CEP72: variants seen among roughly 807,000 people sequenced by gnomAD.
CEP72 encodes the protein centrosomal protein 72, also known as centrosomal protein of 72 kDa.
A neutral mutation model predicts 65.7 loss-of-function variants in CEP72; 78 were observed. That is an observed-to-expected ratio of 1.19 (90% CI 0.99 to 1.43). CEP72 has a LOEUF of 1.43. Ranked by LOEUF, CEP72 falls within the 40% of genes most tolerant of loss-of-function variation. The pLI is 0.00. For missense variants in CEP72, 914 were observed against 832.9 expected (o/e 1.10, Z -1.20); for synonymous variants, 358 against 351.7 (o/e 1.02, Z -0.20).
At chr5:635,263 C>T in intron 5 of CEP72, 109 bp from the exon 6 acceptor site, 5 of 803,168 alleles carry the variant, frequency 6.2e-6, no homozygotes, top group South Asian at 1.9e-5. Flanking sequence ...TGATTAACCC[C>T]TCGGTCTAAC....
rs553592897 is a variant in CEP72 at position 652,869 on chromosome 5, G to T, written c.1779-119G>T. 671 of 1,114,806 alleles carry T rather than the reference G, an allele frequency of 6.0e-4. 2 individuals are homozygous for T. Among genetic ancestry groups the T allele is most frequent in the Non-Finnish European group, 7.9e-4 (639 of 805,044 alleles). The allele number at this position is 1,114,806 out of a possible 1,614,324, so 69.1% of individuals were successfully genotyped here. A position where few individuals can be genotyped will look rare whatever the true frequency, so the allele number is the denominator to read the frequency against. ...GTGATGGGGCCACAGAGATAGGTCT[G>T]TGTGCAGGGCCAGGGCACCTTCGTG... On this transcript the variant is annotated intron_variant, in intron 11 of 11. Transcript: ENST00000264935.
At chr5:636,200 G>T (rs1217246533) in intron 6 of CEP72, among the ~76,000 whole-genome samples, 1 of 152,220 alleles carries the variant, frequency 6.6e-6, no homozygotes, top group African/African-American at 2.4e-5. Context: ...CTTTTACTAT[G>T]AAATTTCTCC....
chr5:671,191 C>T (rs1740210226), downstream of CEP72, among the ~76,000 whole-genome samples: 1 of 152,046 alleles, frequency 6.6e-6, no homozygotes, highest in Non-Finnish European at 1.5e-5. Context: ...GGGCGCACAC[C>T]CTGCGCTTGC....
intron 5 of CEP72, among the ~76,000 whole-genome samples, 186 bp from the exon 6 acceptor site, chr5:635,186 G>A (rs144035848): frequency 3.9e-5 from 6 of 152,372 alleles, no homozygotes; most frequent in Non-Finnish European, 7.3e-5. Flanking sequence ...AGTGGCGCCA[G>A]TTCCCAGTTC....
rs890807239 is a variant in CEP72, at chr5:645,650, C to T, written c.1666+1225C>T. On this transcript the variant is annotated intron_variant, in intron 10 of 11. Transcript: ENST00000264935. The surrounding 1 kb of genome is among the most constrained non-coding windows in gnomAD (Gnocchi z 4.0). ...CACCAGCCGCCCTGCTGTGCGATGGCATCTGATCAGCACTGGTACCCGCTC... is the reference window on the plus strand; with the variant it reads ...CACCAGCCGCCCTGCTGTGCGATGGTATCTGATCAGCACTGGTACCCGCTC... Among the ~76,000 whole-genome samples the T allele has an allele frequency of 6.6e-6, 1 of 152,208 alleles. No individual in the cohort carries two copies. The highest frequency in any genetic ancestry group is 1.5e-5 in the Non-Finnish European group (1 of 68,036).
chr5:676,443 C>T, the CEP72 span: 2 of 152,210 alleles, frequency 1.3e-5, no homozygotes, highest in Admixed American at 1.3e-4. Flanking sequence ...ACAGGGGCAT[C>T]TGACCCACGG....
the CEP72 span, among the ~76,000 whole-genome samples, chr5:672,935 AAAC>A: frequency 6.6e-6 from 1 of 152,238 alleles, no homozygotes; most frequent in African/African-American, 2.4e-5. Flanking sequence ...AACGAGGACT[AAAC>A]AAAGGCTCGC....
chr5:650,494 T>G, intron 11 of CEP72, among the ~76,000 whole-genome samples: 1 of 77,736 alleles, frequency 1.3e-5, no homozygotes, highest in Non-Finnish European at 2.3e-5. Flanking sequence ...GTGTGGACTG[T>G]GAGGTGTGAC....
intron 10 of CEP72, among the ~76,000 whole-genome samples, chr5:647,141 G>A (rs568506978): frequency 2.5e-4 from 38 of 152,360 alleles, no homozygotes; most frequent in African/African-American, 6.3e-4. Context: ...CCTGCCATCC[G>A]TGTCACCATC....
the CEP72 span, among the ~76,000 whole-genome samples, chr5:673,163 T>A: frequency 6.6e-6 from 1 of 151,952 alleles, no homozygotes. Context: ...CAAAAGCAAC[T>A]CCCACAGGCC....
chr5:668,446 G>A (rs59849604), downstream of CEP72, among the ~76,000 whole-genome samples: 2,347 of 109,660 alleles, frequency 0.021, 335 homozygotes, highest in African/African-American at 0.081. Flanking sequence ...TCAGGGAAGT[G>A]CGGACAAGCA....
At position 635,395 on chromosome 5, in the gene CEP72, C is replaced by T. The variant is rs1561044867; in HGVS notation, c.715C>T (p.Gln239Ter). Residue 239 changes from glutamine to a stop codon, truncating the protein, a stop_gained, in exon 6 of 12, where the codon CAG becomes TAG. Transcript: ENST00000264935. LOFTEE classifies it high-confidence loss of function. ...SQESRHLLSP[Q>*]LVQYQCGDSG... ...AGAATCCAGACATCTGTTGAGCCCGCAGTTGGTACAGTACCAGTGTGGGGA... is the reference window on the plus strand; with the variant it reads ...AGAATCCAGACATCTGTTGAGCCCGTAGTTGGTACAGTACCAGTGTGGGGA... 1.2e-6 allele frequency: 2 copies of T among 1,612,730 alleles called. No homozygotes were observed. The highest frequency in any genetic ancestry group is 1.7e-5 in the Admixed American group (1 of 59,996).
chr5:651,272 GGACTGTGAGGTGT>G (rs1374156783), intron 11 of CEP72, among the ~76,000 whole-genome samples: 828 of 77,910 alleles, frequency 0.011, 48 homozygotes, highest in African/African-American at 0.018. Flanking sequence ...TGTGAGGCGT[GGACTGTGAGGTGT>G]GACTGTGAGG....
chr5:666,603 G>A (rs1056957987), intron 4 of CEP72, among the ~76,000 whole-genome samples: 3 of 151,504 alleles, frequency 2.0e-5, no homozygotes, highest in African/African-American at 4.9e-5. Flanking sequence ...GCAGGCCCAC[G>A]CCTCAGATGC....
At position 623,735 on chromosome 5, in the gene CEP72, C is replaced by G. The variant is rs1736550714; in HGVS notation, c.404-736C>G. On this transcript the variant is annotated intron_variant, in intron 3 of 11. Coordinates refer to ENST00000264935, the MANE Select transcript of CEP72 (RefSeq NM_018140.4). The surrounding 1 kb of genome is among the most constrained non-coding windows in gnomAD (Gnocchi z 5.3). ...CCCTGTGTGCTGGGTGGAGAGTGCCCCAGGTTGCAGAGGCCTCTGACTCGG... is the reference window on the plus strand; with the variant it reads ...CCCTGTGTGCTGGGTGGAGAGTGCCGCAGGTTGCAGAGGCCTCTGACTCGG... Among the ~76,000 whole-genome samples the G allele has an allele frequency of 1.3e-5, 2 of 151,732 alleles. No homozygotes were observed. Among genetic ancestry groups the G allele is most frequent in the South Asian group, 4.2e-4 (2 of 4,770 alleles).
intron 9 of CEP72, chr5:641,743 C>A: frequency 1.0e-6 from 1 of 984,624 alleles, no homozygotes; most frequent in Non-Finnish European, 1.2e-6. Context: ...CCCCATCCCC[C>A]ATCCAGAAGC....
Position 619,101 on chromosome 5 carries a change from C to T in CEP72, c.194C>T (p.Ser65Phe). The T allele has an allele frequency of 6.2e-7, 1 of 1,613,334 alleles. No homozygotes were observed. Among genetic ancestry groups the T allele is most frequent in the South Asian group, 1.1e-5 (1 of 91,044 alleles). Reference sequence around the variant, plus strand: ...AAATCTTTGGATCTCTCGCGCAACTCCTTGGTTAGTCTGGAGGTAAGTTTT... The same window carrying T: ...AAATCTTTGGATCTCTCGCGCAACTTCTTGGTTAGTCTGGAGGTAAGTTTT... ...GLKSLDLSRN[S>F]LVSLEGIQYL... The change falls in exon 2 of 12, where the codon TCC (serine) becomes TTC (phenylalanine). Residue 65 changes from serine (S) to phenylalanine (F), a missense_variant. Coordinates refer to ENST00000264935, the MANE Select transcript of CEP72 (RefSeq NM_018140.4).
chr5:654,455 C>CTGTG (rs70955277), downstream of CEP72, among the ~76,000 whole-genome samples: 36,836 of 148,488 alleles, frequency 0.25, 4,417 homozygotes, highest in East Asian at 0.43. Flanking sequence ...GTGTGTGCTT[C>CTGTG]TGTGTGTGTG....
At chr5:667,476 GAGA>G (rs573260067), downstream of CEP72, among the ~76,000 whole-genome samples, 1 of 152,294 alleles carries the variant, frequency 6.6e-6, no homozygotes, top group South Asian at 2.1e-4. Flanking sequence ...GAACACCAAA[GAGA>G]AGATCTCTGT....
Sources: gnomAD v4.1 joint callset for allele counts (sites outside exome capture counted in the v4.1 genomes callset) on GRCh38, gnomAD v4.1.1 for gene constraint, Gnocchi (gnomAD v3.1) non-coding constraint, MANE v1.5 for transcripts, NCBI Gene and HGNC (gene_info 2026-07-23, HGNC 2026-07-21) for gene names.